Variants in MAP7D1 observed in about 807,000 individuals in gnomAD.
The protein encoded by MAP7D1 is MAP7 domain-containing protein 1.
MAP7D1 carries 30 observed loss-of-function variants against 97.5 expected under a neutral mutation model. The ratio of observed to expected loss-of-function variants is 0.31; its 90% CI spans 0.23 to 0.42. The LOEUF is 0.42. Ranked by LOEUF, MAP7D1 falls within the 10% of genes least tolerant of loss-of-function variation. The probability of loss-of-function intolerance (pLI) is 1.00; values close to 1 mark genes in which losing one functional copy is unlikely to be tolerated. For missense variants in MAP7D1, 1,184 were observed against 1,179.5 expected, an observed-to-expected ratio of 1.00 and a Z score of -0.06; for synonymous variants, 536 against 477.1, an observed-to-expected ratio of 1.12 and a Z score of -1.61.
chr1:36,176,586 GTGGCTCTAC>G lies in MAP7D1; in HGVS notation c.1233+12_1233+20del, dbSNP rs766051695. 2.6e-6 allele frequency: 4 copies of G among 1,531,102 alleles called. No individual in the cohort carries two copies. Among genetic ancestry groups the G allele is most frequent in the Non-Finnish European group, 2.6e-6 (3 of 1,138,918 alleles). 94.8% of individuals were successfully genotyped at this position (1,531,102 alleles called of 1,614,324 possible). A position where few individuals can be genotyped will look rare whatever the true frequency, so the allele number is the denominator to read the frequency against. ...CGCCGGCCGGAGGCCTCGCCGGTGA[GTGGCTCTAC>G]TGGCTCGAGTGGCCGCGCAGGTGGG... On this transcript the variant is annotated splice_donor_region_variant and intron_variant, in intron 7 of 16. Transcript: ENST00000474796. The surrounding 1 kb of genome is among the most constrained non-coding windows in gnomAD (Gnocchi z 6.1).
intron 1 of MAP7D1, among the ~76,000 whole-genome samples, chr1:36,165,617 A>G (rs967265933): frequency 3.3e-5 from 5 of 149,336 alleles, no homozygotes; most frequent in African/African-American, 9.9e-5. Context: ...GAATCTCACT[A>G]TGTTGTCCAG....
At chr1:36,180,104 C>T in intron 16 of MAP7D1, 37 bp downstream of exon 16, 1 of 1,611,320 alleles carries the variant, frequency 6.2e-7, no homozygotes, top group Non-Finnish European at 8.5e-7. Flanking sequence ...CTCCATTCCT[C>T]CCAGCAGCCT....
chr1:36,177,568 C>A (rs1277363524), intron 8 of MAP7D1: 1 of 658,770 alleles, frequency 1.5e-6, no homozygotes, highest in Non-Finnish European at 2.9e-6. Flanking sequence ...ATGAATGGAC[C>A]TGTCAGGTAG....
intron 4 of MAP7D1, among the ~76,000 whole-genome samples, chr1:36,173,161 G>C (rs1057233237): frequency 1.3e-5 from 2 of 152,206 alleles, no homozygotes; most frequent in African/African-American, 4.8e-5. Context: ...ACAGTGAAAA[G>C]CTCCCCAAGA....
At chr1:36,160,909 G>A (rs780315922) in intron 1 of MAP7D1, among the ~76,000 whole-genome samples, 28 of 152,322 alleles carry the variant, frequency 1.8e-4, no homozygotes, top group African/African-American at 6.5e-4. Context: ...TAGTCCAGCT[G>A]GGGGGGCATC....
At chr1:36,178,337 C>T in intron 9 of MAP7D1, 82 bp from the exon 10 acceptor site, 1 of 1,505,654 alleles carries the variant, frequency 6.6e-7, no homozygotes, top group Non-Finnish European at 8.9e-7. Context: ...TCAGCAGTCC[C>T]AGGCCCAGAA....
In MAP7D1 at chr1:36,159,364, T is replaced by G. The variant is rs531336981; in HGVS notation, c.46+2901T>G. On this transcript the variant is annotated intron_variant, in intron 1 of 16. Coordinates refer to ENST00000474796, the MANE Select transcript of MAP7D1 (RefSeq NM_001388490.1). The surrounding 1 kb of genome is among the most constrained non-coding windows in gnomAD (Gnocchi z 5.4). ...AGCCACCACCCCCAGCCTAGCTATT[T>G]GTTTTTTGTCATTATTTTTAATTCC... 6.6e-6 allele frequency among the ~76,000 whole-genome samples: 1 copy of G among 152,326 alleles called. No individual in the cohort carries two copies. The highest frequency in any genetic ancestry group is 1.9e-4 in the East Asian group (1 of 5,186).
chr1:36,164,215 A>G (rs1032570700), intron 1 of MAP7D1, among the ~76,000 whole-genome samples: 3 of 152,180 alleles, frequency 2.0e-5, no homozygotes, highest in Non-Finnish European at 4.4e-5. Context: ...TATACTGTTT[A>G]TTCAAATATT....
rs1020249122 is a variant in MAP7D1, at chr1:36,159,613, G to A, written c.46+3150G>A. On this transcript the variant is annotated intron_variant, in intron 1 of 16. Coordinates refer to ENST00000474796, the MANE Select transcript of MAP7D1 (RefSeq NM_001388490.1). The surrounding 1 kb of genome is among the most constrained non-coding windows in gnomAD (Gnocchi z 5.4). ...CTGATGCCCCACCTTATGCCAGCTC[G>A]GTGTAGTCTATGTGGACGGCAGAGA... 1.3e-5 allele frequency among the ~76,000 whole-genome samples: 2 copies of A among 152,166 alleles called. No homozygotes were observed. Among genetic ancestry groups the A allele is most frequent in the African/African-American group, 4.8e-5 (2 of 41,436 alleles).
rs777032257 is a variant in MAP7D1, at chr1:36,176,688, C to A, written c.1234-9C>A. The A allele has an allele frequency of 1.9e-6, 3 of 1,606,010 alleles. No homozygotes were observed. The Admixed American group carries it at 5.1e-5, about 27-fold the overall frequency. ...CTACTCTCCTCTTCCGTTCCTCCTTCCCTGCCAGGTGCAGAAAAAGGAGAA... is the reference window on the plus strand; with the variant it reads ...CTACTCTCCTCTTCCGTTCCTCCTTACCTGCCAGGTGCAGAAAAAGGAGAA... On this transcript the variant is annotated splice_polypyrimidine_tract_variant and intron_variant, in intron 7 of 16. Transcript: ENST00000474796. The surrounding 1 kb of genome is among the most constrained non-coding windows in gnomAD (Gnocchi z 6.1).
At position 36,176,838 on chromosome 1, in the gene MAP7D1, C is replaced by A; in HGVS notation, c.1375C>A (p.Leu459Ile). The A allele has an allele frequency of 1.3e-6, 2 of 1,595,802 alleles. No homozygotes were observed. The highest frequency in any genetic ancestry group is 1.7e-6 in the Non-Finnish European group (2 of 1,172,170). Residue 459 changes from leucine to isoleucine, a missense_variant, in exon 8 of 17, where the codon CTC becomes ATC. Coordinates refer to ENST00000474796, the MANE Select transcript of MAP7D1 (RefSeq NM_001388490.1). The surrounding 1 kb of genome is among the most constrained non-coding windows in gnomAD (Gnocchi z 6.1). ...CCTCTCTGCCAGCACCGCCTCTGAG[C>A]TCAGGTGGGCGCGGGCGGTGCGAGG... ...ARLSASTASELSPKSKARPSS... is the reference protein window; with the variant it reads ...ARLSASTASEISPKSKARPSS...
rs758402857 is a variant in MAP7D1, at chr1:36,176,871, C to T, written c.1379+29C>T. The T allele has an allele frequency of 3.3e-6, 5 of 1,536,436 alleles. No homozygotes were observed. The Admixed American group carries it at 7.8e-5, about 24-fold the overall frequency. On this transcript the variant is annotated intron_variant, in intron 8 of 16. Coordinates refer to ENST00000474796, the MANE Select transcript of MAP7D1 (RefSeq NM_001388490.1). This position sits in a 1 kb window ranked among gnomAD's most constrained non-coding sequence, Gnocchi z 6.1. The stretch of plus-strand genomic sequence containing the variant: ...GGCGCGGGCGGTGCGAGGGACCCTG[C>T]CCCTCACCGGGTCATTTATTCATCA...
chr1:36,179,691 G>T lies in MAP7D1; in HGVS notation c.2253G>T (p.Arg751=), dbSNP rs756924347. The change falls in exon 15 of 17, where the codon CGG becomes CGT. Residue 751 remains arginine (R), a synonymous_variant. Coordinates refer to ENST00000474796, the MANE Select transcript of MAP7D1 (RefSeq NM_001388490.1). ...SPEPVKAVEA[R]SPGLQKEAVQ... is the part of the protein sequence containing the mutation. Reference sequence around the variant, plus strand: ...AGCCTGTGAAAGCTGTGGAGGCTCGGTCCCCAGGGCTGCAGAAGGAGGCTG... The same window carrying T: ...AGCCTGTGAAAGCTGTGGAGGCTCGTTCCCCAGGGCTGCAGAAGGAGGCTG... 1 of 1,523,834 alleles carries T rather than the reference G, an allele frequency of 6.6e-7. No individual in the cohort carries two copies. The highest frequency in any genetic ancestry group is 2.3e-5 in the East Asian group (1 of 42,896). The allele number at this position is 1,523,834 out of a possible 1,614,324, so 94.4% of individuals were successfully genotyped here. A position where few individuals can be genotyped will look rare whatever the true frequency, so the allele number is the denominator to read the frequency against.
At chr1:36,171,839 TAGG>T (rs965394561) in intron 3 of MAP7D1, 20 of 284,448 alleles carry the variant, frequency 7.0e-5, no homozygotes, top group Admixed American at 2.0e-4. Flanking sequence ...GAGACTGAGA[TAGG>T]AGAACTGCTT....
Position 36,177,868 on chromosome 1 carries a change from C to T in MAP7D1, c.1380-5C>T, listed in dbSNP as rs752494367. 6.5e-7 allele frequency: 1 copy of T among 1,528,010 alleles called. No homozygotes were observed. Among genetic ancestry groups the T allele is most frequent in the East Asian group, 2.3e-5 (1 of 44,132 alleles). The allele number at this position is 1,528,010 out of a possible 1,614,324, so 94.7% of individuals were successfully genotyped here. A position where few individuals can be genotyped will look rare whatever the true frequency, so the allele number is the denominator to read the frequency against. ...CTAACCCTTCCCTTTTCCCTTTTCT[C>T]TTAGCCCCAAATCCAAGGCCAGGCC... On this transcript the variant is annotated splice_region_variant and splice_polypyrimidine_tract_variant and intron_variant, in intron 8 of 16. Transcript: ENST00000474796.
Position 36,156,367 on chromosome 1 carries a change from C to G in MAP7D1, c.-51C>G, listed in dbSNP as rs1003793923. The stretch of plus-strand genomic sequence containing the variant: ...CGGGACCCCTGTCCTGGCCACTGGC[C>G]GCCGCCGCCGCCGCCGCTGAGACCC... On this transcript the variant is annotated 5_prime_UTR_variant, in exon 1 of 17. Coordinates refer to ENST00000474796, the MANE Select transcript of MAP7D1 (RefSeq NM_001388490.1). The G allele has an allele frequency of 7.7e-7, 1 of 1,306,526 alleles. No individual in the cohort carries two copies. The highest frequency in any genetic ancestry group is 2.6e-5 in the Admixed American group (1 of 38,838). The allele number at this position is 1,306,526 out of a possible 1,614,324, so 80.9% of individuals were successfully genotyped here.
At chr1:36,173,105 C>T (rs1467945467) in intron 4 of MAP7D1, among the ~76,000 whole-genome samples, 1 of 152,176 alleles carries the variant, frequency 6.6e-6, no homozygotes, top group Non-Finnish European at 1.5e-5. Context: ...GGGAGTCCAC[C>T]CAATCCTCAG....
intron 1 of MAP7D1, among the ~76,000 whole-genome samples, chr1:36,170,554 A>G (rs1406025738): frequency 6.6e-6 from 1 of 152,070 alleles, no homozygotes; most frequent in African/African-American, 2.4e-5. Flanking sequence ...TTTCCAACAC[A>G]CCCTGCTCCA....
intron 1 of MAP7D1, among the ~76,000 whole-genome samples, chr1:36,160,592 A>C (rs1644393855): frequency 6.6e-6 from 1 of 152,222 alleles, no homozygotes; most frequent in Non-Finnish European, 1.5e-5. Flanking sequence ...AGATGAAATC[A>C]CTTACCTAAA....
Sources: gnomAD v4.1 joint callset for allele counts (sites outside exome capture counted in the v4.1 genomes callset) on GRCh38, gnomAD v4.1.1 for gene constraint, Gnocchi (gnomAD v3.1) non-coding constraint, MANE v1.5 for transcripts, NCBI Gene and HGNC (gene_info 2026-07-23, HGNC 2026-07-21) for gene names.